The following TICAM2 variants were observed in gnomAD, a reference collection of about 807,000 sequenced individuals.
TICAM2 encodes TIR domain containing adaptor molecule 2, also known as TIR domain-containing adapter molecule 2.
A neutral mutation model predicts 7.3 loss-of-function variants in TICAM2; 8 were observed. The ratio of observed to expected loss-of-function variants is 1.10; its 90% CI spans 0.65 to 1.99. TICAM2 has a LOEUF of 1.99. TICAM2 is among the 30% of genes most tolerant of loss of function. The pLI is 0.00. For missense variants in TICAM2, 304 were observed against 278.8 expected (o/e 1.09, Z -0.65); for synonymous variants, 113 against 99.6 (o/e 1.13, Z -0.80).
chr5:115,597,665 T>C (rs1027730052), intron 1 of TICAM2, among the ~76,000 whole-genome samples: 4 of 152,212 alleles, frequency 2.6e-5, no homozygotes, highest in African/African-American at 9.6e-5. Flanking sequence ...AAAGAAGTAC[T>C]GTCGTCTCTT....
chr5:115,581,384 T>A, intron 1 of TICAM2, 69 bp from the exon 2 acceptor site: 1 of 1,476,976 alleles, frequency 6.8e-7, no homozygotes, highest in Non-Finnish European at 9.0e-7. Flanking sequence ...AAACTTTCAT[T>A]CAAACTGAAA....
At chr5:115,586,350 C>T (rs746566) in intron 1 of TICAM2, among the ~76,000 whole-genome samples, 53,542 of 151,080 alleles carry the variant, frequency 0.35, 9,598 homozygotes, top group Non-Finnish European at 0.38. Flanking sequence ...TCACTTCTAC[C>T]CATTACTGCT....
At chr5:115,581,560 T>C (rs766912703) in intron 1 of TICAM2, among the ~76,000 whole-genome samples, 1 of 152,238 alleles carries the variant, frequency 6.6e-6, no homozygotes, top group South Asian at 2.1e-4. Context: ...ATTCGGAAAA[T>C]GTAAATGGTG....
intron 1 of TICAM2, among the ~76,000 whole-genome samples, chr5:115,583,704 C>A (rs137958409): frequency 4.6e-5 from 7 of 152,276 alleles, no homozygotes; most frequent in Non-Finnish European, 1.0e-4. Flanking sequence ...CTGTGGTTCC[C>A]AGGGCTGGGA....
intron 1 of TICAM2, among the ~76,000 whole-genome samples, chr5:115,587,523 A>G (rs1289875819): frequency 1.3e-5 from 2 of 152,210 alleles, no homozygotes; most frequent in East Asian, 3.8e-4. Flanking sequence ...AGAGGCTGCT[A>G]CAATAGTGTC....
chr5:115,581,938 A>T (rs1292824476), intron 1 of TICAM2: 1 of 152,222 alleles, frequency 6.6e-6, no homozygotes. Context: ...ATGGAGAATA[A>T]ATTATAATAA....
rs369476857 is a variant in TICAM2, at chr5:115,596,705, G to A, written c.-60+5392C>T. ...GAGGCCAAGGTGGGTGGATCATGAG[G>A]TCAGGAGATCAAGACCATCCTGACT... On this transcript the variant is annotated intron_variant, in intron 1 of 1. Coordinates refer to ENST00000427199, the MANE Select transcript of TICAM2 (RefSeq NM_021649.7). 5.3e-5 allele frequency among the ~76,000 whole-genome samples: 8 copies of A among 152,278 alleles called. No homozygotes were observed. In the East Asian group the frequency reaches 1.4e-3, roughly 26 times the overall value.
intron 1 of TICAM2, among the ~76,000 whole-genome samples, chr5:115,584,273 T>C (rs926896655): frequency 8.5e-5 from 13 of 152,352 alleles, no homozygotes; most frequent in Middle Eastern, 3.4e-3. Context: ...ATACATGACA[T>C]ATAAATCCCA....
At chr5:115,589,782 G>A (rs1047289628) in intron 1 of TICAM2, among the ~76,000 whole-genome samples, 6 of 152,122 alleles carry the variant, frequency 3.9e-5, no homozygotes, top group African/African-American at 9.7e-5. Flanking sequence ...CTGCAAACTC[G>A]ATCAGAACAA....
intron 1 of TICAM2, among the ~76,000 whole-genome samples, chr5:115,590,749 T>C (rs1755271553): frequency 6.6e-6 from 1 of 152,230 alleles, no homozygotes; most frequent in Non-Finnish European, 1.5e-5. Context: ...TTTAGAACTA[T>C]CATCTTACCT....
intron 1 of TICAM2, among the ~76,000 whole-genome samples, 171 bp from the exon 2 acceptor site, chr5:115,581,486 A>G (rs1580403902): frequency 6.6e-6 from 1 of 152,236 alleles, no homozygotes; most frequent in Non-Finnish European, 1.5e-5. Context: ...TGAGCTTTAC[A>G]AGGGCTATCA....
rs1442063980 is a variant in TICAM2, at chr5:115,581,408, T to G, written c.-59-93A>C. On this transcript the variant is annotated intron_variant, in intron 1 of 1. Transcript: ENST00000427199. The stretch of plus-strand genomic sequence containing the variant: ...TTCAAACTGAAAAGCTCAAAAAGAT[T>G]ATAATAGACAGATCCAAATACATAA... 3.0e-6 allele frequency: 4 copies of G among 1,354,316 alleles called. No homozygotes were observed. The African/African-American group carries it at 5.9e-5, about 20-fold the overall frequency. The allele number at this position is 1,354,316 out of a possible 1,614,324, so 83.9% of individuals were successfully genotyped here.
In TICAM2 at chr5:115,580,854, T is replaced by C; in HGVS notation, c.403A>G (p.Thr135Ala). ...AAGTTTTCAGTCAGTAATAAGATTG[T>C]CCATGCAGACCCATTTACAGCATCA... is the stretch of plus-strand genomic sequence containing the variant. Reference protein sequence around the residue: ...LDDAVNGSAWTILLLTENFLR... With the variant: ...LDDAVNGSAWAILLLTENFLR... The change falls in exon 2 of 2, where the codon ACA becomes GCA. Residue 135 changes from threonine to alanine, a missense_variant. Transcript: ENST00000427199. 2.5e-6 allele frequency: 4 copies of C among 1,611,908 alleles called. No individual in the cohort carries two copies. The highest frequency in any genetic ancestry group is 2.5e-6 in the Non-Finnish European group (3 of 1,178,524).
At chr5:115,596,777 G>A (rs1195748372) in intron 1 of TICAM2, among the ~76,000 whole-genome samples, 1 of 152,172 alleles carries the variant, frequency 6.6e-6, no homozygotes, top group African/African-American at 2.4e-5. Flanking sequence ...AAATTAGCCT[G>A]GCGTGGTGGC....
chr5:115,589,754 C>G (rs1245458975), intron 1 of TICAM2, among the ~76,000 whole-genome samples: 1 of 152,156 alleles, frequency 6.6e-6, no homozygotes, highest in East Asian at 1.9e-4. Flanking sequence ...TGCTTAGTTT[C>G]TCATCATTCT....
At chr5:115,582,209 T>G (rs975387732) in intron 1 of TICAM2, among the ~76,000 whole-genome samples, 3 of 152,056 alleles carry the variant, frequency 2.0e-5, no homozygotes, top group Non-Finnish European at 4.4e-5. Context: ...CAGGATGGAG[T>G]GCAGTGGTGT....
At chr5:115,582,079 T>C (rs1754944322) in intron 1 of TICAM2, among the ~76,000 whole-genome samples, 8 of 152,202 alleles carry the variant, frequency 5.3e-5, no homozygotes, top group Admixed American at 5.2e-4. Flanking sequence ...GACTTGAGAC[T>C]TTCTCCAGTG....
At chr5:115,590,316 GA>G (rs1175189227) in intron 1 of TICAM2, among the ~76,000 whole-genome samples, 2 of 152,060 alleles carry the variant, frequency 1.3e-5, no homozygotes, top group Admixed American at 1.3e-4. Flanking sequence ...TCTCAAAAAA[GA>G]AAAAGTTACG....
chr5:115,589,252 T>C (rs1045427555), intron 1 of TICAM2, among the ~76,000 whole-genome samples: 17 of 152,174 alleles, frequency 1.1e-4, no homozygotes, highest in African/African-American at 4.1e-4. Flanking sequence ...AGTGTGCTGA[T>C]CCCTCAACTA....
Sources: gnomAD v4.1 joint callset for allele counts (sites outside exome capture counted in the v4.1 genomes callset) on GRCh38, gnomAD v4.1.1 for gene constraint, MANE v1.5 for transcripts, NCBI Gene and HGNC (gene_info 2026-07-23, HGNC 2026-07-21) for gene names.